The following JMJD1C variants were observed in gnomAD, a reference collection of about 807,000 sequenced individuals.
JMJD1C encodes jumonji domain-containing protein 1C.
Under a neutral mutation model 245.3 loss-of-function variants are expected in JMJD1C, and 31 were observed. The observed-to-expected ratio is 0.13, with a 90% confidence interval of 0.09 to 0.17. JMJD1C has a LOEUF of 0.17. Among genes scored for constraint, JMJD1C ranks in the 10% least tolerant of loss-of-function variants. JMJD1C has a pLI of 1.00. For synonymous variants in JMJD1C, 1,057 were observed against 1,017.4 expected, an observed-to-expected ratio of 1.04 and a Z score of -0.74; for missense variants, 2,691 against 3,000.2, an observed-to-expected ratio of 0.90 and a Z score of 2.41.
chr10:63,521,361 G>C (rs1462594098), intron 1 of JMJD1C: 1 of 144,988 alleles, frequency 6.9e-6, no homozygotes, highest in Non-Finnish European at 1.5e-5. Context: ...GCGGGGACGG[G>C]CGGGGGACCG....
chr10:63,274,321 C>A (rs1032669874), intron 2 of JMJD1C, among the ~76,000 whole-genome samples: 2 of 152,146 alleles, frequency 1.3e-5, no homozygotes, highest in African/African-American at 4.8e-5. Flanking sequence ...TCCCAGCACT[C>A]TGGGAGGCGG....
chr10:63,402,358 T>G (rs1432519276), intron 1 of JMJD1C, among the ~76,000 whole-genome samples: 4 of 152,218 alleles, frequency 2.6e-5, no homozygotes, highest in African/African-American at 9.7e-5. Context: ...CCACTTTCCC[T>G]TTTCTTTTTA....
chr10:63,380,638 T>C (rs1947139682), intron 1 of JMJD1C, among the ~76,000 whole-genome samples, 156 bp from the exon 2 acceptor site: 1 of 152,238 alleles, frequency 6.6e-6, no homozygotes, highest in Non-Finnish European at 1.5e-5. Flanking sequence ...AATTAGAATA[T>C]CCATCACCTC....
intron 1 of JMJD1C, among the ~76,000 whole-genome samples, chr10:63,490,944 A>T (rs74137764): frequency 0.035 from 5,379 of 152,356 alleles, 254 homozygotes; most frequent in African/African-American, 0.11. Context: ...CCATGCACGA[A>T]GCACGCTAAT....
chr10:63,239,368 C>T (rs1164962554), intron 3 of JMJD1C, among the ~76,000 whole-genome samples: 1 of 151,972 alleles, frequency 6.6e-6, no homozygotes, highest in Non-Finnish European at 1.5e-5. Flanking sequence ...ACAGATTAAG[C>T]AAAGTTAAAG....
At chr10:63,292,275 A>G (rs1281244643) in intron 2 of JMJD1C, among the ~76,000 whole-genome samples, 3 of 149,326 alleles carry the variant, frequency 2.0e-5, no homozygotes, top group African/African-American at 4.9e-5. Context: ...TTATATTTCT[A>G]TTCTGCATTT....
At chr10:63,435,975 G>C (rs1193823464) in intron 1 of JMJD1C, among the ~76,000 whole-genome samples, 3 of 152,070 alleles carry the variant, frequency 2.0e-5, no homozygotes, top group Non-Finnish European at 4.4e-5. Context: ...TGGTGGAAAG[G>C]TTAGATTCTA....
At position 63,391,446 on chromosome 10, in the gene JMJD1C, C is replaced by T. The variant is rs993494409; in HGVS notation, c.169-10964G>A. Among the ~76,000 whole-genome samples, 3 of 152,052 alleles carry T rather than the reference C, an allele frequency of 2.0e-5. No individual in the cohort carries two copies. In the South Asian group the frequency reaches 6.2e-4, roughly 32 times the overall value. On this transcript the variant is annotated intron_variant, in intron 1 of 25. Transcript: ENST00000399262. ...AATGGTGTGAACTCGGGAGGCAGAG[C>T]TTGCAGTGAGCCATGATTGCGCCAC...
chr10:63,418,439 TAAC>T (rs1177768592), intron 1 of JMJD1C, among the ~76,000 whole-genome samples: 2 of 152,216 alleles, frequency 1.3e-5, no homozygotes, highest in East Asian at 3.8e-4. Flanking sequence ...CCACTGCCAC[TAAC>T]ATCCAAATTT....
intron 2 of JMJD1C, among the ~76,000 whole-genome samples, chr10:63,321,732 G>A (rs1940891444): frequency 6.6e-6 from 1 of 152,174 alleles, no homozygotes. Context: ...AAATATCAAA[G>A]GTCTGATACT....
intron 1 of JMJD1C, among the ~76,000 whole-genome samples, chr10:63,392,845 AAG>A (rs1253395351): frequency 2.1e-5 from 3 of 144,956 alleles, no homozygotes; most frequent in South Asian, 2.2e-4. Context: ...AAAAAAAAAA[AAG>A]GTGGGCAAAA....
intron 3 of JMJD1C, among the ~76,000 whole-genome samples, chr10:63,235,352 C>G (rs996771457): frequency 6.6e-6 from 1 of 152,068 alleles, no homozygotes; most frequent in African/African-American, 2.4e-5. Context: ...AAAAAATTAG[C>G]TGGGTGTGGT....
rs35485931 is a variant in JMJD1C at position 63,223,229 on chromosome 10, G to GT, written c.448-3247dup. On this transcript the variant is annotated intron_variant, in intron 3 of 25. Coordinates refer to ENST00000399262, the MANE Select transcript of JMJD1C (RefSeq NM_032776.3). ...AATTATAAACTGTTTTTTCTGTGCTGTTTTTTTTTTTTTTTTTCTGAGACA... is the reference window on the plus strand; with the variant it reads ...AATTATAAACTGTTTTTTCTGTGCTGTTTTTTTTTTTTTTTTTTCTGAGACA... Among the ~76,000 whole-genome samples, 109 of 128,378 alleles carry GT rather than the reference G, an allele frequency of 8.5e-4. 1 individual carries two copies. Among genetic ancestry groups the GT allele is most frequent in the Middle Eastern group, 4.0e-3 (1 of 252 alleles). 84.2% of individuals were successfully genotyped at this position (128,378 alleles called of 152,430 possible).
At chr10:63,273,205 A>G (rs902698842) in intron 2 of JMJD1C, among the ~76,000 whole-genome samples, 3 of 152,160 alleles carry the variant, frequency 2.0e-5, no homozygotes, top group African/African-American at 7.2e-5. Flanking sequence ...TGACATACAT[A>G]TATTTAGAGA....
rs200324748 is a variant in JMJD1C at position 63,280,962 on chromosome 10, C to CTTTT, written c.334-16202_334-16199dup. On this transcript the variant is annotated intron_variant, in intron 2 of 25. Coordinates refer to ENST00000399262, the MANE Select transcript of JMJD1C (RefSeq NM_032776.3). ...TCCATGGGATCCTTTACCTCTTTTT[C>CTTTT]TTTTTTTTTTTTTGAGACGGAGTCT... is the stretch of plus-strand genomic sequence containing the variant. Among the ~76,000 whole-genome samples the CTTTT allele has an allele frequency of 2.2e-3, 315 of 143,812 alleles. 2 individuals are homozygous for CTTTT. The South Asian group carries it at 0.027, about 12-fold the overall frequency. 94.3% of individuals were successfully genotyped at this position (143,812 alleles called of 152,430 possible).
Position 63,186,251 on chromosome 10 carries a change from C to T in JMJD1C, c.6703G>A (p.Val2235Ile). 6.2e-7 allele frequency: 1 copy of T among 1,611,956 alleles called. No homozygotes were observed. Among genetic ancestry groups the T allele is most frequent in the Admixed American group, 1.7e-5 (1 of 59,722 alleles). ...CKDSIISNANVKEFWDGFEEV... is the reference protein window; with the variant it reads ...CKDSIISNANIKEFWDGFEEV... The stretch of plus-strand genomic sequence containing the variant: ...TCAAAACCATCCCAGAATTCCTTAA[C>T]ATTGGCATTTGAAATGATGCTATCT... The change falls in exon 19 of 26, where the codon GTT (valine) becomes ATT (isoleucine). Residue 2235 changes from valine to isoleucine, a missense_variant. By Grantham distance (29) the Val-to-Ile change is conservative. Transcript: ENST00000399262.
chr10:63,362,467 A>T, intron 2 of JMJD1C, among the ~76,000 whole-genome samples: 1 of 74,754 alleles, frequency 1.3e-5, no homozygotes, highest in South Asian at 5.1e-4. Flanking sequence ...ACATATATAT[A>T]TTTATTTATA....
At chr10:63,428,462 GA>G (rs1236002823) in intron 1 of JMJD1C, among the ~76,000 whole-genome samples, 1 of 152,196 alleles carries the variant, frequency 6.6e-6, no homozygotes, top group African/African-American at 2.4e-5. Flanking sequence ...ACAGGTCAAA[GA>G]AATCAACTGA....
intron 1 of JMJD1C, among the ~76,000 whole-genome samples, chr10:63,463,102 T>C (rs1952910952): frequency 6.6e-6 from 1 of 152,094 alleles, no homozygotes; most frequent in Admixed American, 6.5e-5. Flanking sequence ...TACATATTTG[T>C]AGCTTTAAAA....
Sources: allele counts gnomAD v4.1 joint callset (sites outside exome capture counted in the v4.1 genomes callset), GRCh38; gene constraint gnomAD v4.1.1; transcripts MANE v1.5; gene names NCBI Gene and HGNC (gene_info 2026-07-23, HGNC 2026-07-21).